Variants in MAPK8IP3 observed in about 807,000 individuals in gnomAD.
MAPK8IP3 encodes C-Jun-amino-terminal kinase-interacting protein 3.
In MAPK8IP3, 49 loss-of-function variants were observed where a neutral mutation model predicts 157.8. That is an observed-to-expected ratio of 0.31 (90% confidence interval 0.25 to 0.39). The LOEUF is 0.39. Among genes scored for constraint, MAPK8IP3 ranks in the 10% least tolerant of loss-of-function variants. The pLI is 1.00. For synonymous variants in MAPK8IP3, 897 were observed against 777.7 expected, an observed-to-expected ratio of 1.15 and a Z score of -2.55; for missense variants, 1,478 against 1,889.4, an observed-to-expected ratio of 0.78 and a Z score of 4.04.
rs1287243454 is a variant in MAPK8IP3 at position 1,751,690 on chromosome 16, C to A, written c.1216+2970C>A. On this transcript the variant is annotated intron_variant, in intron 8 of 31. Coordinates refer to ENST00000610761, the MANE Select transcript of MAPK8IP3 (RefSeq NM_001318852.2). The surrounding 1 kb of genome is among the most constrained non-coding windows in gnomAD (Gnocchi z 5.0). ...CATCGTCTTCACCCCCAAAAGGAAA[C>A]CCCGTGCCCATGAGCAGTCGCTTTG... The A allele has an allele frequency of 6.6e-6, 1 of 152,256 alleles. No individual in the cohort carries two copies. Among genetic ancestry groups the A allele is most frequent in the Non-Finnish European group, 1.5e-5 (1 of 68,090 alleles). The allele number at this position is 152,256 out of a possible 1,614,324, so 9.4% of individuals were successfully genotyped here. A position where few individuals can be genotyped will look rare whatever the true frequency, so the allele number is the denominator to read the frequency against.
At chr16:1,750,466 G>C (rs1231629892) in intron 8 of MAPK8IP3, among the ~76,000 whole-genome samples, 1 of 152,110 alleles carries the variant, frequency 6.6e-6, no homozygotes, top group Non-Finnish European at 1.5e-5. Flanking sequence ...ACCCGCCTCA[G>C]GCTCCCAAAG....
chr16:1,732,374 A>G (rs1446459512), intron 4 of MAPK8IP3, among the ~76,000 whole-genome samples: 1 of 152,238 alleles, frequency 6.6e-6, no homozygotes, highest in Non-Finnish European at 1.5e-5. Context: ...TTACACCTGC[A>G]AACGAGAAGG....
In MAPK8IP3 at chr16:1,767,101, G is replaced by A. The variant is rs2042314889; in HGVS notation, c.3089-48G>A. On this transcript the variant is annotated intron_variant, in intron 25 of 31. Transcript: ENST00000610761. ...GTGTCTCAACCCGATGCCCTGAGCA[G>A]AGGTGGGGCCTGGCCAGGCCTGAGC... The A allele has an allele frequency of 3.1e-6, 5 of 1,605,724 alleles. No individual in the cohort carries two copies. The East Asian group carries it at 1.1e-4, about 36-fold the overall frequency.
intron 4 of MAPK8IP3, among the ~76,000 whole-genome samples, chr16:1,736,657 AGCGTGT>A (rs2039883514): frequency 5.7e-5 from 2 of 34,878 alleles, no homozygotes; most frequent in African/African-American, 1.5e-4. Context: ...CGTCCGTGTG[AGCGTGT>A]GACCGTCCGT....
At chr16:1,748,389 T>A in intron 7 of MAPK8IP3, 43 bp downstream of exon 7, 2 of 1,525,054 alleles carry the variant, frequency 1.3e-6, no homozygotes, top group Non-Finnish European at 1.8e-6. Context: ...GGGCTCAGTA[T>A]TTATCCAAGT....
chr16:1,744,601 G>A, intron 5 of MAPK8IP3: 2 of 985,642 alleles, frequency 2.0e-6, no homozygotes, highest in Non-Finnish European at 2.4e-6. Context: ...CACTGTCTCT[G>A]GCTCACGCTT....
At chr16:1,728,383 CACTT>C (rs1184671713) in intron 2 of MAPK8IP3, among the ~76,000 whole-genome samples, 1 of 152,242 alleles carries the variant, frequency 6.6e-6, no homozygotes. Context: ...GGAGGTTACT[CACTT>C]TGAATCCCGC....
chr16:1,768,813 A>C lies in MAPK8IP3; in HGVS notation c.4003A>C (p.Thr1335Pro), dbSNP rs1596823947. The C allele has an allele frequency of 6.2e-7, 1 of 1,611,842 alleles. No homozygotes were observed. The highest frequency in any genetic ancestry group is 8.5e-7 in the Non-Finnish European group (1 of 1,179,660). ...SHIIVWQVSYTPE is the reference protein window; with the variant it reads ...SHIIVWQVSYPPE ...CATCATCGTGTGGCAGGTGTCCTAC[A>C]CCCCCGAGTGAAGCTGCTGCCCTGC... is the stretch of plus-strand genomic sequence containing the variant. Residue 1335 changes from threonine to proline, a missense_variant, in exon 32 of 32, where the codon ACC becomes CCC. This residue lies in a region of MAPK8IP3 where 133 missense variants were observed against 133.4 expected (regional missense o/e 1.00). Coordinates refer to ENST00000610761, the MANE Select transcript of MAPK8IP3 (RefSeq NM_001318852.2).
chr16:1,735,415 G>A (rs575828966), intron 4 of MAPK8IP3, among the ~76,000 whole-genome samples: 134 of 146,520 alleles, frequency 9.1e-4, no homozygotes, highest in African/African-American at 2.9e-3. Flanking sequence ...CCATGTGAGC[G>A]TCCGTGTGAC....
intron 12 of MAPK8IP3, among the ~76,000 whole-genome samples, 186 bp from the exon 13 acceptor site, chr16:1,761,038 T>G (rs2041903309): frequency 6.6e-6 from 1 of 152,112 alleles, no homozygotes; most frequent in Non-Finnish European, 1.5e-5. Flanking sequence ...GGGCCACCTG[T>G]CCCCAGGGAA....
chr16:1,764,212 T>A lies in MAPK8IP3; in HGVS notation c.2121+2T>A. On this transcript the variant is annotated splice_donor_variant, in intron 18 of 31. Coordinates refer to ENST00000610761, the MANE Select transcript of MAPK8IP3 (RefSeq NM_001318852.2). LOFTEE classifies it high-confidence loss of function. ...GTGGAGAAGGACCCCACCATGAAGG[T>A]GAGCCCGCGAGGACCCCGCTCAGGC... The A allele has an allele frequency of 6.2e-7, 1 of 1,610,070 alleles. No individual in the cohort carries two copies. The highest frequency in any genetic ancestry group is 8.5e-7 in the Non-Finnish European group (1 of 1,178,624).
chr16:1,714,261 GT>G (rs34916810), intron 1 of MAPK8IP3: 17,536 of 149,942 alleles, frequency 0.12, 1,405 homozygotes, highest in African/African-American at 0.24. Flanking sequence ...CGCTCACCCC[GT>G]TGGCAGGGTG....
intron 8 of MAPK8IP3, among the ~76,000 whole-genome samples, chr16:1,756,683 G>A (rs894654508): frequency 4.0e-5 from 6 of 150,578 alleles, no homozygotes; most frequent in Admixed American, 1.3e-4. Flanking sequence ...TTAGCCGGGC[G>A]TGGTGGCATG....
chr16:1,710,353 A>G lies in MAPK8IP3; in HGVS notation c.318+3696A>G, dbSNP rs2037692302. 2.0e-5 allele frequency among the ~76,000 whole-genome samples: 3 copies of G among 152,172 alleles called. No homozygotes were observed. The highest frequency in any genetic ancestry group is 2.0e-4 in the Admixed American group (3 of 15,280). On this transcript the variant is annotated intron_variant, in intron 1 of 31. Transcript: ENST00000610761. The surrounding 1 kb of genome is among the most constrained non-coding windows in gnomAD (Gnocchi z 4.1). Reference sequence around the variant, plus strand: ...GCCAGGTGTGGCGGCAGGCCCCTGTAGTCCCAGCACTCGGGAGGCTGAGGC... The same window carrying G: ...GCCAGGTGTGGCGGCAGGCCCCTGTGGTCCCAGCACTCGGGAGGCTGAGGC...
chr16:1,755,606 T>A (rs953734955), intron 8 of MAPK8IP3, among the ~76,000 whole-genome samples: 3 of 151,998 alleles, frequency 2.0e-5, no homozygotes, highest in Non-Finnish European at 2.9e-5. Flanking sequence ...CCCAGCACAT[T>A]GGGAGGCCAA....
intron 11 of MAPK8IP3, 52 bp from the exon 12 acceptor site, chr16:1,760,328 A>G: frequency 6.4e-7 from 1 of 1,572,296 alleles, no homozygotes; most frequent in Non-Finnish European, 8.7e-7. Context: ...AGGCCCCTTC[A>G]CGTACCTGTA....
chr16:1,737,905 ACCGT>A (rs1290110304), intron 4 of MAPK8IP3, among the ~76,000 whole-genome samples: 3 of 57,276 alleles, frequency 5.2e-5, no homozygotes, highest in African/African-American at 7.3e-5. Context: ...TGAGCGTGTG[ACCGT>A]CCGTGTGTGT....
rs200340925 is a variant in MAPK8IP3, at chr16:1,743,308, C to G, written c.603-24C>G. The stretch of plus-strand genomic sequence containing the variant: ...ACGGCCACCCTCTAACCATCGCTTC[C>G]TCTCCTCTCGCCCCCCATTTCAGCA... On this transcript the variant is annotated intron_variant, in intron 4 of 31. Transcript: ENST00000610761. This position sits in a 1 kb window ranked among gnomAD's most constrained non-coding sequence, Gnocchi z 5.6. The G allele has an allele frequency of 2.6e-6, 4 of 1,535,580 alleles. No individual in the cohort carries two copies. The highest frequency in any genetic ancestry group is 3.5e-6 in the Non-Finnish European group (4 of 1,149,488).
rs1254529955 is a variant in MAPK8IP3, at chr16:1,706,888, C to T, written c.318+231C>T. ...GACACCTCCCTAGAGCACTCCCCCGCCTGCCCCGGGACCCCACCCCGACTC... is the reference window on the plus strand; with the variant it reads ...GACACCTCCCTAGAGCACTCCCCCGTCTGCCCCGGGACCCCACCCCGACTC... On this transcript the variant is annotated intron_variant, in intron 1 of 31. Coordinates refer to ENST00000610761, the MANE Select transcript of MAPK8IP3 (RefSeq NM_001318852.2). This position sits in a 1 kb window ranked among gnomAD's most constrained non-coding sequence, Gnocchi z 5.1. 6.7e-6 allele frequency among the ~76,000 whole-genome samples: 1 copy of T among 150,052 alleles called. No individual in the cohort carries two copies. The highest frequency in any genetic ancestry group is 1.5e-5 in the Non-Finnish European group (1 of 67,346).
Sources: gnomAD v4.1 joint callset for allele counts (sites outside exome capture counted in the v4.1 genomes callset) on GRCh38, gnomAD v4.1.1 for gene constraint, gnomAD v4.1.1 regional missense constraint, Gnocchi (gnomAD v3.1) non-coding constraint, MANE v1.5 for transcripts, NCBI Gene and HGNC (gene_info 2026-07-23, HGNC 2026-07-21) for gene names.